Variants in RELN observed in about 807,000 individuals in gnomAD.
RELN encodes reelin.
Under a neutral mutation model 427.6 loss-of-function variants are expected in RELN, and 108 were observed. The observed-to-expected ratio is 0.25, with a 90% confidence interval of 0.22 to 0.30. RELN has a LOEUF of 0.30. Ranked by LOEUF, RELN falls within the 10% of genes least tolerant of loss-of-function variation. RELN has a pLI of 1.00. For synonymous variants in RELN, 1,524 were observed against 1,513.4 expected (o/e 1.01, Z -0.16); for missense variants, 3,715 against 4,302.8 (o/e 0.86, Z 3.82).
intron 3 of RELN, among the ~76,000 whole-genome samples, chr7:103,800,076 C>T (rs965245824): frequency 2.6e-5 from 4 of 152,286 alleles, no homozygotes; most frequent in Admixed American, 6.5e-5. Context: ...AAAACTGGCA[C>T]AAGACAGGGA....
intron 60 of RELN, 58 bp downstream of exon 60, chr7:103,489,684 T>C (rs966775551): frequency 5.0e-6 from 8 of 1,588,590 alleles, no homozygotes. Flanking sequence ...GTATATATGT[T>C]AAGATGAGGA....
At chr7:103,664,470 T>C (rs1459469294) in intron 11 of RELN, among the ~76,000 whole-genome samples, 1 of 152,204 alleles carries the variant, frequency 6.6e-6, no homozygotes, top group Non-Finnish European at 1.5e-5. Flanking sequence ...TTTTCTGTGT[T>C]CTGGGGTTAT....
At chr7:103,919,291 CTCTTAACATGCAGACCATTTCAGAATG>C (rs1795561013) in intron 1 of RELN, among the ~76,000 whole-genome samples, 2 of 152,000 alleles carry the variant, frequency 1.3e-5, no homozygotes, top group African/African-American at 4.8e-5. Context: ...AGTGTGAATT[CTCTTAACATGCAGACCATTTCAGAATG>C]TCTGCAGCCC....
intron 10 of RELN, among the ~76,000 whole-genome samples, chr7:103,684,565 G>A (rs987204388): frequency 6.6e-6 from 1 of 152,136 alleles, no homozygotes; most frequent in Non-Finnish European, 1.5e-5. Flanking sequence ...CAATCAAGAT[G>A]ATAAGGACTG....
chr7:103,495,175 CTTTTTTTT>C (rs68172294), intron 57 of RELN, among the ~76,000 whole-genome samples: 1 of 125,386 alleles, frequency 8.0e-6, no homozygotes. Context: ...AAAGTAATTC[CTTTTTTTT>C]TTTTTTTTTT....
intron 11 of RELN, among the ~76,000 whole-genome samples, chr7:103,677,334 A>C (rs1833554120): frequency 6.6e-6 from 1 of 151,202 alleles, no homozygotes; most frequent in Admixed American, 6.6e-5. Context: ...TGGGTGCAGC[A>C]AACCACCATG....
chr7:103,838,340 C>T (rs561970060), intron 2 of RELN, among the ~76,000 whole-genome samples: 2 of 149,830 alleles, frequency 1.3e-5, no homozygotes, highest in African/African-American at 2.5e-5. Context: ...TAACTAAATA[C>T]AATAGAATAT....
At chr7:103,727,575 A>G (rs1318185345) in intron 7 of RELN, among the ~76,000 whole-genome samples, 2 of 152,172 alleles carry the variant, frequency 1.3e-5, no homozygotes, top group African/African-American at 4.8e-5. Flanking sequence ...AATCAATCTG[A>G]AGTAAAGGAA....
At chr7:103,548,696 G>T (rs988843076) in intron 41 of RELN, among the ~76,000 whole-genome samples, 3 of 152,246 alleles carry the variant, frequency 2.0e-5, no homozygotes, top group Admixed American at 6.5e-5. Context: ...ATTGTGTTTT[G>T]TAAGTGGCTT....
intron 46 of RELN, among the ~76,000 whole-genome samples, chr7:103,527,654 C>T (rs925612007): frequency 3.3e-5 from 5 of 152,212 alleles, no homozygotes; most frequent in Admixed American, 6.5e-5. Context: ...TCTGTGATGT[C>T]AGCCCATTTC....
chr7:103,578,288 A>G (rs936789835), intron 28 of RELN, among the ~76,000 whole-genome samples: 13 of 152,134 alleles, frequency 8.5e-5, no homozygotes, highest in African/African-American at 3.1e-4. Flanking sequence ...TGAGACGGTA[A>G]AAGACCCCAG....
chr7:103,897,617 A>C (rs1584344674), intron 2 of RELN, among the ~76,000 whole-genome samples: 1 of 152,132 alleles, frequency 6.6e-6, no homozygotes, highest in African/African-American at 2.4e-5. Context: ...TGACAAAAAT[A>C]AGCTAAAGAA....
In RELN at chr7:103,771,155, G is replaced by A. The variant is rs189758992; in HGVS notation, c.544+5402C>T. 7.6e-3 allele frequency among the ~76,000 whole-genome samples: 1,153 copies of A among 151,790 alleles called. 11 individuals carry two copies. Among genetic ancestry groups the A allele is most frequent in the African/African-American group, 0.026 (1,067 of 41,390 alleles). On this transcript the variant is annotated intron_variant, in intron 4 of 64. Coordinates refer to ENST00000428762, the MANE Select transcript of RELN (RefSeq NM_005045.4). ...TGGTCTCAAACTCCTGACCTCAGGT[G>A]ATCTGCCCGCCTCGGCCTCCCAAAG...
intron 1 of RELN, among the ~76,000 whole-genome samples, chr7:103,947,083 A>C (rs952369086): frequency 1.8e-4 from 27 of 152,186 alleles, no homozygotes; most frequent in African/African-American, 6.5e-4. Flanking sequence ...AGCCATCTTA[A>C]AACTAATGTT....
At chr7:103,941,252 A>C (rs575097238) in intron 1 of RELN, among the ~76,000 whole-genome samples, 2 of 152,338 alleles carry the variant, frequency 1.3e-5, no homozygotes, top group East Asian at 3.9e-4. Context: ...TACTAGACTT[A>C]CTCTGACCAT....
intron 2 of RELN, among the ~76,000 whole-genome samples, chr7:103,865,709 T>A (rs1462017428): frequency 6.6e-6 from 1 of 152,104 alleles, no homozygotes; most frequent in African/African-American, 2.4e-5. Context: ...TCTTTCATGA[T>A]AAAAACTCTC....
At position 103,523,541 on chromosome 7, in the gene RELN, A is replaced by T. The variant is rs751104633; in HGVS notation, c.7350-10T>A. On this transcript the variant is annotated splice_polypyrimidine_tract_variant and intron_variant, in intron 46 of 64. Transcript: ENST00000428762. Reference sequence around the variant, plus strand: ...ACGAGTGGCTTGGGACCTTTGAAGAAGATGAGAATTTTAATGAAGGATGCT... The same window carrying T: ...ACGAGTGGCTTGGGACCTTTGAAGATGATGAGAATTTTAATGAAGGATGCT... The T allele has an allele frequency of 8.1e-6, 13 of 1,614,046 alleles. No homozygotes were observed. The South Asian group carries it at 1.3e-4, about 16-fold the overall frequency.
At chr7:103,885,408 TA>T (rs1399751397) in intron 2 of RELN, among the ~76,000 whole-genome samples, 1 of 151,242 alleles carries the variant, frequency 6.6e-6, no homozygotes, top group African/African-American at 2.4e-5. Flanking sequence ...TATGCAGCCA[TA>T]AAAAAGGTTG....
intron 40 of RELN, 36 bp from the exon 41 acceptor site, chr7:103,551,332 C>T (rs1562886296): frequency 6.9e-7 from 1 of 1,442,162 alleles, no homozygotes; most frequent in South Asian, 1.2e-5. Flanking sequence ...CAAATTACCT[C>T]AGAGCAACAA....
Sources: gnomAD v4.1 joint callset for allele counts (sites outside exome capture counted in the v4.1 genomes callset) on GRCh38, gnomAD v4.1.1 for gene constraint, MANE v1.5 for transcripts, NCBI Gene and HGNC (gene_info 2026-07-23, HGNC 2026-07-21) for gene names.